METTL15: variants seen among roughly 807,000 people sequenced by gnomAD.
The protein encoded by METTL15 is 12S rRNA N(4)-cytidine methyltransferase METTL15.
A neutral mutation model predicts 38.3 loss-of-function variants in METTL15; 34 were observed. The ratio of observed to expected loss-of-function variants is 0.89; its 90% confidence interval spans 0.68 to 1.18. The LOEUF (loss-of-function observed/expected upper bound fraction) is 1.18, where lower values mean the gene tolerates loss of function less well. METTL15 is among the 50% of genes most tolerant of loss of function. The pLI, the probability that METTL15 is intolerant of heterozygous loss-of-function variation, is 0.00. For missense variants in METTL15, 438 were observed against 498.4 expected (o/e 0.88, Z 1.15); for synonymous variants, 162 against 170.9 (o/e 0.95, Z 0.41).
downstream of METTL15, among the ~76,000 whole-genome samples, chr11:28,531,261 A>G (rs1168716439): frequency 3.3e-5 from 5 of 152,074 alleles, no homozygotes; most frequent in African/African-American, 4.8e-5. Context: ...CTAGAAAACA[A>G]GAGGAGAGTC....
At chr11:28,428,913 C>T (rs1162299967) in intron 6 of METTL15, among the ~76,000 whole-genome samples, 5 of 152,172 alleles carry the variant, frequency 3.3e-5, no homozygotes, top group Admixed American at 6.5e-5. Flanking sequence ...AAGCCCAGGC[C>T]CTGCTGGAGC....
intron 3 of METTL15, among the ~76,000 whole-genome samples, chr11:28,155,586 A>T (rs977781815): frequency 2.0e-5 from 3 of 152,116 alleles, no homozygotes; most frequent in Non-Finnish European, 4.4e-5. Flanking sequence ...GAGGGAGAGG[A>T]TAGGGAGACC....
At chr11:28,249,398 T>C (rs1228336391) in intron 4 of METTL15, among the ~76,000 whole-genome samples, 1 of 152,014 alleles carries the variant, frequency 6.6e-6, no homozygotes, top group Non-Finnish European at 1.5e-5. Flanking sequence ...ATTATGTACT[T>C]AGCTAAAAAT....
chr11:28,357,007 C>T (rs777584110), intron 4 of METTL15, among the ~76,000 whole-genome samples: 6 of 152,260 alleles, frequency 3.9e-5, no homozygotes, highest in Admixed American at 6.5e-5. Context: ...GGCCTGACTC[C>T]GTAGGCATAT....
downstream of METTL15, among the ~76,000 whole-genome samples, chr11:28,531,309 G>A (rs1346658260): frequency 6.6e-6 from 1 of 151,920 alleles, no homozygotes; most frequent in Non-Finnish European, 1.5e-5. Context: ...CTTGTATCAT[G>A]CTTTTATTAG....
chr11:28,425,735 A>G (rs1182044707), intron 6 of METTL15, among the ~76,000 whole-genome samples: 2 of 152,202 alleles, frequency 1.3e-5, no homozygotes, highest in Non-Finnish European at 2.9e-5. Context: ...CCTTAAAGGC[A>G]TAGATGGTAC....
chr11:28,437,146 TA>T (rs1412002464), intron 6 of METTL15, among the ~76,000 whole-genome samples: 1 of 152,206 alleles, frequency 6.6e-6, no homozygotes, highest in East Asian at 1.9e-4. Context: ...AGGGCTGCAC[TA>T]TCAGCTTCCC....
At chr11:28,515,350 A>G (rs1306816876) in intron 6 of METTL15, among the ~76,000 whole-genome samples, 1 of 152,178 alleles carries the variant, frequency 6.6e-6, no homozygotes, top group African/African-American at 2.4e-5. Flanking sequence ...AAGCACCAAA[A>G]TTTCAATGGC....
chr11:28,217,572 A>G (rs1195322188), intron 4 of METTL15, among the ~76,000 whole-genome samples: 2 of 152,008 alleles, frequency 1.3e-5, no homozygotes, highest in Non-Finnish European at 2.9e-5. Context: ...ATTAGATCCC[A>G]TTTGTCAATT....
At chr11:28,444,773 A>G (rs879746344) in intron 6 of METTL15, among the ~76,000 whole-genome samples, 1 of 152,184 alleles carries the variant, frequency 6.6e-6, no homozygotes, top group Non-Finnish European at 1.5e-5. Flanking sequence ...TTCCAAAGTC[A>G]TCTCCTGTCC....
At chr11:28,475,674 G>T (rs1285882820) in intron 6 of METTL15, among the ~76,000 whole-genome samples, 1 of 152,188 alleles carries the variant, frequency 6.6e-6, no homozygotes, top group Non-Finnish European at 1.5e-5. Flanking sequence ...TCCCAAGGTT[G>T]CAGTTCTCTA....
At chr11:28,478,260 T>A (rs932338741) in intron 6 of METTL15, among the ~76,000 whole-genome samples, 5 of 152,188 alleles carry the variant, frequency 3.3e-5, no homozygotes, top group African/African-American at 1.2e-4. Context: ...GTAAAAATGT[T>A]GACCATGCTG....
intron 6 of METTL15, among the ~76,000 whole-genome samples, chr11:28,492,551 C>T (rs890331387): frequency 2.6e-5 from 4 of 151,806 alleles, no homozygotes; most frequent in Non-Finnish European, 5.9e-5. Flanking sequence ...CACACATACA[C>T]ACACACAACA....
At chr11:28,318,029 G>A (rs1395285867) in intron 6 of METTL15, among the ~76,000 whole-genome samples, 1 of 152,196 alleles carries the variant, frequency 6.6e-6, no homozygotes, top group Non-Finnish European at 1.5e-5. Flanking sequence ...GCGTTTACCA[G>A]AAATTTACCT....
chr11:28,228,814 A>G (rs1853580030), intron 4 of METTL15, among the ~76,000 whole-genome samples: 1 of 151,770 alleles, frequency 6.6e-6, no homozygotes, highest in African/African-American at 2.4e-5. Context: ...TAAATTTTTA[A>G]TTTTTTGCCA....
intron 4 of METTL15, among the ~76,000 whole-genome samples, chr11:28,242,902 T>C (rs974362419): frequency 6.6e-6 from 1 of 152,158 alleles, no homozygotes; most frequent in Non-Finnish European, 1.5e-5. Context: ...TTCTAGACAT[T>C]ATATCGCTTT....
intron 3 of METTL15, among the ~76,000 whole-genome samples, chr11:28,200,024 T>G (rs1392145072): frequency 5.3e-5 from 8 of 152,024 alleles, no homozygotes. Flanking sequence ...TTTTAAAGGG[T>G]TTATCATAGT....
intron 6 of METTL15, among the ~76,000 whole-genome samples, chr11:28,511,574 G>A (rs1054961612): frequency 5.3e-5 from 8 of 152,070 alleles, no homozygotes; most frequent in Admixed American, 2.0e-4. Context: ...GGTGGGGTTC[G>A]TGGTCTCACC....
chr11:28,409,318 C>T (rs1850704292), intron 5 of METTL15, among the ~76,000 whole-genome samples: 1 of 128,182 alleles, frequency 7.8e-6, no homozygotes, highest in Non-Finnish European at 1.6e-5. Context: ...GGAGGCAGAG[C>T]TTGCAGTGAG....
Sources: gnomAD v4.1 joint callset for allele counts (sites outside exome capture counted in the v4.1 genomes callset) on GRCh38, gnomAD v4.1.1 for gene constraint, MANE v1.5 for transcripts, NCBI Gene and HGNC (gene_info 2026-07-23, HGNC 2026-07-21) for gene names.